TEX14: variants seen among roughly 807,000 people sequenced by gnomAD.
TEX14 encodes inactive serine/threonine-protein kinase TEX14.
A neutral mutation model predicts 178.6 loss-of-function variants in TEX14; 168 were observed. The ratio of observed to expected loss-of-function variants is 0.94; its 90% CI spans 0.83 to 1.07. TEX14 has a LOEUF of 1.07. Ranked by LOEUF, TEX14 falls within the 50% of genes least tolerant of loss-of-function variation. The pLI is 0.00. For missense variants in TEX14, 1,730 were observed against 1,753.6 expected, an observed-to-expected ratio of 0.99 and a Z score of 0.24; for synonymous variants, 626 against 634.1, an observed-to-expected ratio of 0.99 and a Z score of 0.19.
Position 58,605,037 on chromosome 17 carries a change from G to A in TEX14, c.1277C>T (p.Ala426Val). ...GTAGATGTCTGATTTCACTGTGGCT[G>A]CCTTCTGTAAGATCACTTCTGGTGC... ...WAAPEVILQK[A>V]ATVKSDIYSF... The change falls in exon 11 of 32, where the codon GCA becomes GTA. Residue 426 changes from alanine to valine, a missense_variant. Physicochemically the swap from Ala to Val is moderately conservative, Grantham distance 64 (BLOSUM62 0). This residue lies in a region of TEX14 where 789 missense variants were observed against 681.2 expected (regional missense o/e 1.16). Transcript: ENST00000349033. 6.2e-7 allele frequency: 1 copy of A among 1,614,172 alleles called. No homozygotes were observed. Among genetic ancestry groups the A allele is most frequent in the Non-Finnish European group, 8.5e-7 (1 of 1,180,028 alleles).
chr17:58,671,559 A>T (rs1288882181), intron 1 of TEX14, among the ~76,000 whole-genome samples: 3 of 152,088 alleles, frequency 2.0e-5, no homozygotes, highest in Non-Finnish European at 2.9e-5. Flanking sequence ...CACCCAGCTC[A>T]GGCCCCAAGC....
intron 16 of TEX14, 39 bp from the exon 17 acceptor site, chr17:58,587,705 G>C (rs763616691): frequency 1.4e-6 from 2 of 1,448,532 alleles, no homozygotes; most frequent in Non-Finnish European, 1.9e-6. Flanking sequence ...GGGGAGCGGG[G>C]TGGACACAAA....
intron 1 of TEX14, among the ~76,000 whole-genome samples, chr17:58,673,487 A>ATAAG (rs1469841880): frequency 3.1e-5 from 4 of 127,048 alleles, no homozygotes. Context: ...CATCTCAAAA[A>ATAAG]TAAATAAATA....
At chr17:58,563,505 A>G (rs2044312604) in intron 28 of TEX14, among the ~76,000 whole-genome samples, 1 of 150,902 alleles carries the variant, frequency 6.6e-6, no homozygotes. Context: ...ATAGGCAAAG[A>G]GCCAGGCATG....
chr17:58,654,889 C>T (rs1026189476), intron 1 of TEX14, among the ~76,000 whole-genome samples: 13 of 152,022 alleles, frequency 8.6e-5, no homozygotes, highest in Middle Eastern at 3.4e-3. Flanking sequence ...TCCTAGAACA[C>T]CCTGACATTT....
intron 3 of TEX14, among the ~76,000 whole-genome samples, chr17:58,629,921 T>G (rs1239491640): frequency 6.7e-6 from 1 of 148,896 alleles, no homozygotes; most frequent in African/African-American, 2.4e-5. Context: ...TTTTTTCCTT[T>G]TTTTTTTTTT....
chr17:58,661,550 A>T, intron 1 of TEX14: 1 of 751,534 alleles, frequency 1.3e-6, no homozygotes, highest in Non-Finnish European at 2.5e-6. Context: ...GGAATCGAAC[A>T]GCTCGGGGAG....
intron 24 of TEX14, among the ~76,000 whole-genome samples, chr17:58,570,915 G>A (rs2044509576): frequency 6.6e-6 from 1 of 152,006 alleles, no homozygotes. Flanking sequence ...ACAGGCATAA[G>A]CCACTGCATC....
At chr17:58,625,054 T>C (rs1259180605) in intron 3 of TEX14, among the ~76,000 whole-genome samples, 1 of 152,122 alleles carries the variant, frequency 6.6e-6, no homozygotes, top group Non-Finnish European at 1.5e-5. Flanking sequence ...CACTGCATCG[T>C]GGGAATCACA....
chr17:58,651,192 A>C (rs1387781552), intron 2 of TEX14, among the ~76,000 whole-genome samples: 2 of 152,182 alleles, frequency 1.3e-5, no homozygotes, highest in East Asian at 1.9e-4. Flanking sequence ...CAGGAGAATC[A>C]CCTGAGCCCG....
At chr17:58,664,565 G>A (rs1028410687) in intron 1 of TEX14, among the ~76,000 whole-genome samples, 2 of 152,184 alleles carry the variant, frequency 1.3e-5, no homozygotes, top group Non-Finnish European at 2.9e-5. Context: ...GAGGAATAAT[G>A]CAGAGACTGA....
chr17:58,592,708 T>TAAA, intron 15 of TEX14, among the ~76,000 whole-genome samples: 1 of 152,134 alleles, frequency 6.6e-6, no homozygotes, highest in Non-Finnish European at 1.5e-5. Flanking sequence ...CCGGCTAATT[T>TAAA]ATGTATTTTT....
At chr17:58,606,276 A>T (rs1423622340) in intron 10 of TEX14, among the ~76,000 whole-genome samples, 2 of 152,204 alleles carry the variant, frequency 1.3e-5, no homozygotes, top group Non-Finnish European at 2.9e-5. Context: ...GGATGTAGAA[A>T]CACTCGGTGA....
At chr17:58,600,672 C>A (rs545109263) in intron 13 of TEX14, among the ~76,000 whole-genome samples, 2 of 152,026 alleles carry the variant, frequency 1.3e-5, no homozygotes, top group African/African-American at 4.8e-5. Flanking sequence ...CCCTGGTTTA[C>A]AGGTGTACAG....
intron 8 of TEX14, 38 bp downstream of exon 8, chr17:58,615,194 G>C (rs776515167): frequency 8.1e-7 from 1 of 1,237,238 alleles, no homozygotes; most frequent in South Asian, 1.2e-5. Flanking sequence ...TCTGTAGAGA[G>C]ACCTGGACCT....
intron 15 of TEX14, among the ~76,000 whole-genome samples, chr17:58,591,581 A>T (rs1205455206): frequency 6.6e-6 from 1 of 152,132 alleles, no homozygotes; most frequent in Non-Finnish European, 1.5e-5. Context: ...CCTTACATAC[A>T]TATTTGCCAA....
chr17:58,561,652 T>C, intron 28 of TEX14, 40 bp from the exon 29 acceptor site: 1 of 1,361,874 alleles, frequency 7.3e-7, no homozygotes. Context: ...ACAACAGTCA[T>C]TTCCCATCCC....
intron 1 of TEX14, among the ~76,000 whole-genome samples, chr17:58,687,850 C>T (rs1436537014): frequency 6.6e-6 from 1 of 152,108 alleles, no homozygotes; most frequent in African/African-American, 2.4e-5. Context: ...AAGATAGCTA[C>T]ACAAGTCAGA....
rs145433154 is a variant in TEX14 at position 58,688,195 on chromosome 17, A to C, written c.-2+3744T>G. The stretch of plus-strand genomic sequence containing the variant: ...GAGTACAGTGTCATAATATCGGCTC[A>C]CTGCAATCTCTGCCTCCCATGTTCC... On this transcript the variant is annotated intron_variant, in intron 1 of 31. Transcript: ENST00000349033. Among the ~76,000 whole-genome samples, 53 of 151,982 alleles carry C rather than the reference A, an allele frequency of 3.5e-4. 1 individual carries two copies. In the East Asian group the frequency reaches 0.01, roughly 29 times the overall value.
Sources: gnomAD v4.1 joint callset for allele counts (sites outside exome capture counted in the v4.1 genomes callset) on GRCh38, gnomAD v4.1.1 for gene constraint, gnomAD v4.1.1 regional missense constraint, MANE v1.5 for transcripts, NCBI Gene and HGNC (gene_info 2026-07-23, HGNC 2026-07-21) for gene names.